Variants in SOX5 observed in about 807,000 individuals in gnomAD.
SOX5 encodes the protein SRY-box transcription factor 5, also known as transcription factor SOX-5.
A neutral mutation model predicts 92.0 loss-of-function variants in SOX5; 9 were observed. That is an observed-to-expected ratio of 0.10 (90% CI 0.06 to 0.17). The LOEUF (loss-of-function observed/expected upper bound fraction) is 0.17. Among genes scored for constraint, SOX5 ranks in the 10% least tolerant of loss-of-function variants. The probability of loss-of-function intolerance (pLI) is 1.00; values close to 1 mark genes in which losing one functional copy is unlikely to be tolerated. For synonymous variants in SOX5, 344 were observed against 336.3 expected (o/e 1.02, Z -0.25); for missense variants, 642 against 944.5 (o/e 0.68, Z 4.20).
intron 4 of SOX5, among the ~76,000 whole-genome samples, chr12:24,054,024 T>C (rs970087221): frequency 6.6e-6 from 1 of 152,236 alleles, no homozygotes; most frequent in African/African-American, 2.4e-5. Flanking sequence ...TCCATGGCAC[T>C]ACAAAATCAC....
chr12:23,592,453 C>T (rs1951705025), intron 9 of SOX5, among the ~76,000 whole-genome samples: 1 of 152,136 alleles, frequency 6.6e-6, no homozygotes, highest in African/African-American at 2.4e-5. Flanking sequence ...TTAAGTCCTG[C>T]AGCTCACAAG....
Position 23,579,050 on chromosome 12 carries a change from G to T in SOX5, c.1165-3212C>A, listed in dbSNP as rs1949674652. Among the ~76,000 whole-genome samples, 4 of 152,216 alleles carry T rather than the reference G, an allele frequency of 2.6e-5. No homozygotes were observed. The South Asian group carries it at 8.3e-4, about 31-fold the overall frequency. On this transcript the variant is annotated intron_variant, in intron 9 of 14. Transcript: ENST00000451604. Reference sequence around the variant, plus strand: ...TGAGCACAGAGGAAACACAGTGTGAGTGTATAGTGAGGGGGGAATGGCGGT... The same window carrying T: ...TGAGCACAGAGGAAACACAGTGTGATTGTATAGTGAGGGGGGAATGGCGGT...
At chr12:23,972,312 G>T (rs1222002551) in intron 4 of SOX5, among the ~76,000 whole-genome samples, 2 of 152,154 alleles carry the variant, frequency 1.3e-5, no homozygotes, top group East Asian at 3.9e-4. Context: ...AAAATATCCT[G>T]GTCAGATTCC....
intron 4 of SOX5, among the ~76,000 whole-genome samples, chr12:24,098,989 G>A (rs1383123053): frequency 6.6e-6 from 1 of 152,130 alleles, no homozygotes; most frequent in African/African-American, 2.4e-5. Context: ...CTTGATCTCA[G>A]TCTTCCTATC....
chr12:24,250,760 A>G (rs901886413), intron 3 of SOX5, among the ~76,000 whole-genome samples: 1 of 152,210 alleles, frequency 6.6e-6, no homozygotes, highest in African/African-American at 2.4e-5. Flanking sequence ...AGGTACCCAA[A>G]CAGACTTCCA....
chr12:23,537,840 G>A (rs1268089022), intron 13 of SOX5, among the ~76,000 whole-genome samples: 2 of 152,112 alleles, frequency 1.3e-5, no homozygotes, highest in African/African-American at 2.4e-5. Context: ...GCGGACCCTC[G>A]CGGTGAGTGT....
intron 14 of SOX5, among the ~76,000 whole-genome samples, chr12:23,535,020 T>A (rs1361422763): frequency 2.0e-5 from 3 of 152,198 alleles, no homozygotes; most frequent in Non-Finnish European, 4.4e-5. Context: ...TAATACCTTA[T>A]GTTTAGGTAG....
intron 3 of SOX5, among the ~76,000 whole-genome samples, chr12:23,756,954 G>A (rs756627019): frequency 5.3e-5 from 8 of 151,634 alleles, no homozygotes; most frequent in African/African-American, 1.5e-4. Context: ...TCTTTACAGC[G>A]ATCAGCTAGC....
intron 1 of SOX5, among the ~76,000 whole-genome samples, chr12:24,407,077 G>A (rs557994022): frequency 6.6e-6 from 1 of 151,980 alleles, no homozygotes; most frequent in South Asian, 2.1e-4. Context: ...AACAAGAGTG[G>A]CAATGCAAAA....
At chr12:23,925,433 A>G (rs1178212583) in intron 1 of SOX5, among the ~76,000 whole-genome samples, 1 of 152,088 alleles carries the variant, frequency 6.6e-6, no homozygotes, top group Non-Finnish European at 1.5e-5. Context: ...GTCTTATACA[A>G]CAAGAAAAAC....
At chr12:24,335,984 T>C (rs2141022321) in intron 2 of SOX5, among the ~76,000 whole-genome samples, 1 of 142,496 alleles carries the variant, frequency 7.0e-6, no homozygotes, top group South Asian at 2.3e-4. Context: ...TATATATATA[T>C]ATATCCATAA....
At chr12:23,776,313 A>G (rs1297255380) in intron 3 of SOX5, among the ~76,000 whole-genome samples, 2 of 152,242 alleles carry the variant, frequency 1.3e-5, no homozygotes, top group African/African-American at 2.4e-5. Context: ...ATAGGAATGT[A>G]GAATTATGAC....
At chr12:23,988,225 G>A (rs1180905948) in intron 4 of SOX5, among the ~76,000 whole-genome samples, 1 of 152,118 alleles carries the variant, frequency 6.6e-6, no homozygotes, top group Non-Finnish European at 1.5e-5. Context: ...GTTCTATTTT[G>A]GCCATGTAAT....
intron 1 of SOX5, among the ~76,000 whole-genome samples, chr12:24,380,609 G>GCA (rs1957728748): frequency 6.6e-6 from 1 of 152,170 alleles, no homozygotes; most frequent in Admixed American, 6.5e-5. Flanking sequence ...TTTGGTTCCA[G>GCA]CACTAGTAAA....
At chr12:23,822,607 T>C (rs1487959387) in intron 3 of SOX5, among the ~76,000 whole-genome samples, 5 of 152,202 alleles carry the variant, frequency 3.3e-5, no homozygotes, top group African/African-American at 1.2e-4. Context: ...TGATTTGGGG[T>C]GGAGAGTTCT....
At chr12:24,353,656 A>T (rs1954410252) in intron 2 of SOX5, among the ~76,000 whole-genome samples, 1 of 150,472 alleles carries the variant, frequency 6.6e-6, no homozygotes, top group African/African-American at 2.4e-5. Context: ...TTTTTTTTTT[A>T]GGGGGATGGA....
chr12:23,968,518 A>G (rs1205537271), intron 4 of SOX5, among the ~76,000 whole-genome samples: 1 of 152,098 alleles, frequency 6.6e-6, no homozygotes, highest in Non-Finnish European at 1.5e-5. Flanking sequence ...TGGGTTTCTT[A>G]TCAAAGGACA....
In SOX5 at chr12:23,781,802, C is replaced by T. The variant is rs939924988; in HGVS notation, c.482-26078G>A. On this transcript the variant is annotated intron_variant, in intron 3 of 14. Transcript: ENST00000451604. ...TGCTTTTTCTTTATTCCTAAATCAACGCAGGATCAAGGAGAATTTGGAAAA... is the reference window on the plus strand; with the variant it reads ...TGCTTTTTCTTTATTCCTAAATCAATGCAGGATCAAGGAGAATTTGGAAAA... Among the ~76,000 whole-genome samples the T allele has an allele frequency of 7.2e-5, 11 of 151,826 alleles. 1 individual carries two copies. Among genetic ancestry groups the T allele is most frequent in the East Asian group, 1.9e-4 (1 of 5,190 alleles).
chr12:23,949,756 C>A, upstream of SOX5: 1 of 892,148 alleles, frequency 1.1e-6, no homozygotes, highest in Non-Finnish European at 1.7e-6. Flanking sequence ...CTCTCTCCCT[C>A]TCTCTCTCTG....
Sources: allele counts gnomAD v4.1 joint callset (sites outside exome capture counted in the v4.1 genomes callset), GRCh38; gene constraint gnomAD v4.1.1; transcripts MANE v1.5; gene names NCBI Gene and HGNC (gene_info 2026-07-23, HGNC 2026-07-21).